CFAP300: variants seen among roughly 807,000 people sequenced by gnomAD.
CFAP300 encodes cilia and flagella associated protein 300.
In CFAP300, 32 loss-of-function variants were observed where a neutral mutation model predicts 33.0. The observed-to-expected ratio is 0.97, with a 90% confidence interval of 0.73 to 1.30. The LOEUF is 1.30. Ranked by LOEUF, CFAP300 falls within the 50% of genes most tolerant of loss-of-function variation. The probability of loss-of-function intolerance (pLI) is 0.00; values close to 1 mark genes in which losing one functional copy is unlikely to be tolerated. For synonymous variants in CFAP300, 102 were observed against 106.8 expected, an observed-to-expected ratio of 0.95 and a Z score of 0.28; for missense variants, 356 against 318.1, an observed-to-expected ratio of 1.12 and a Z score of -0.90.
At chr11:102,081,362 A>G in intron 6 of CFAP300, 81 bp downstream of exon 6, 1 of 1,140,036 alleles carries the variant, frequency 8.8e-7, no homozygotes, top group Non-Finnish European at 1.3e-6. Context: ...GTTAACAATC[A>G]GGACAATGTT....
At position 102,081,287 on chromosome 11, in the gene CFAP300, T is replaced by A; in HGVS notation, c.675+6T>A. The A allele has an allele frequency of 6.2e-7, 1 of 1,610,448 alleles. No homozygotes were observed. Among genetic ancestry groups the A allele is most frequent in the Non-Finnish European group, 8.5e-7 (1 of 1,178,060 alleles). On this transcript the variant is annotated splice_donor_region_variant and intron_variant, in intron 6 of 6. Transcript: ENST00000434758. ...TCTTTAAAGTTTCAGCTTATGTAAG[T>A]GTGAGAGAACTTTTGCAACCAAAGA...
At chr11:102,072,817 C>T (rs7127954) in intron 4 of CFAP300, among the ~76,000 whole-genome samples, 83,315 of 151,878 alleles carry the variant, frequency 0.55, 23,977 homozygotes, top group East Asian at 0.75. Flanking sequence ...GATGTACTTA[C>T]GGTGTTCGTT....
chr11:102,067,484 A>C (rs1942246792), intron 4 of CFAP300, among the ~76,000 whole-genome samples: 1 of 152,228 alleles, frequency 6.6e-6, no homozygotes, highest in South Asian at 2.1e-4. Context: ...AAGTACACTG[A>C]ACTTGGAATT....
chr11:102,081,101 G>A, intron 5 of CFAP300, 114 bp from the exon 6 acceptor site: 1 of 726,438 alleles, frequency 1.4e-6, no homozygotes, highest in Non-Finnish European at 2.1e-6. Flanking sequence ...TGGATAGTAT[G>A]TATTTCCATG....
intron 3 of CFAP300, among the ~76,000 whole-genome samples, chr11:102,064,427 G>C (rs1178903488): frequency 6.6e-6 from 1 of 152,036 alleles, no homozygotes; most frequent in Non-Finnish European, 1.5e-5. Flanking sequence ...TCCCTCAGAG[G>C]ATCTTACCTC....
intron 5 of CFAP300, among the ~76,000 whole-genome samples, chr11:102,077,085 T>TACAC (rs149311507): frequency 0.016 from 2,345 of 150,508 alleles, 92 homozygotes; most frequent in Admixed American, 0.077. Context: ...ACCCTACACA[T>TACAC]ACACACACAC....
Position 102,068,711 on chromosome 11 carries a change from C to T in CFAP300, c.435+2060C>T, listed in dbSNP as rs140628028. On this transcript the variant is annotated intron_variant, in intron 4 of 6. Coordinates refer to ENST00000434758, the MANE Select transcript of CFAP300 (RefSeq NM_032930.3). ...CTGAGGCACAAGAATTCCTTGAACC[C>T]GGGAGGCAGAGATTGCGGTGAGCTG... 6.3e-4 allele frequency among the ~76,000 whole-genome samples: 96 copies of T among 152,156 alleles called. 1 individual carries two copies. The highest frequency in any genetic ancestry group is 3.4e-3 in the Middle Eastern group (1 of 294).
rs567363057 is a variant in CFAP300, at chr11:102,057,066, G to A, written c.193-1814G>A. Among the ~76,000 whole-genome samples, 7 of 151,948 alleles carry A rather than the reference G, an allele frequency of 4.6e-5. No individual in the cohort carries two copies. The East Asian group carries it at 5.8e-4, about 13-fold the overall frequency. ...AATAAAAAAGAGCTAGCCTGGGTGCGGTGACTCACGCCTGTAATCCCAGCA... is the reference window on the plus strand; with the variant it reads ...AATAAAAAAGAGCTAGCCTGGGTGCAGTGACTCACGCCTGTAATCCCAGCA... On this transcript the variant is annotated intron_variant, in intron 2 of 6. Coordinates refer to ENST00000434758, the MANE Select transcript of CFAP300 (RefSeq NM_032930.3).
chr11:102,055,636 C>A (rs573932923), intron 2 of CFAP300, among the ~76,000 whole-genome samples: 84 of 151,144 alleles, frequency 5.6e-4, no homozygotes, highest in African/African-American at 1.9e-3. Context: ...GCGTGAGGCA[C>A]CACACCTGGC....
chr11:102,077,638 G>A (rs536731891), intron 5 of CFAP300, among the ~76,000 whole-genome samples: 99 of 152,240 alleles, frequency 6.5e-4, no homozygotes, highest in Non-Finnish European at 1.1e-3. Flanking sequence ...GCAGTGGCGC[G>A]ATCTCAGCTC....
chr11:102,066,526 A>T lies in CFAP300; in HGVS notation c.310A>T (p.Thr104Ser). The stretch of plus-strand genomic sequence containing the variant: ...AATTGAAGCTATAAATGTTCCTTGC[A>T]CACAGCTTTCAATGTCATTTTTTCA... ...KKIEAINVPC[T>S]QLSMSFFHRL... Residue 104 changes from threonine to serine, a missense_variant, in exon 4 of 7, where the codon ACA becomes TCA. Physicochemically the swap from Thr to Ser is moderately conservative, Grantham distance 58. Coordinates refer to ENST00000434758, the MANE Select transcript of CFAP300 (RefSeq NM_032930.3). 6.2e-7 allele frequency: 1 copy of T among 1,611,244 alleles called. No individual in the cohort carries two copies. Among genetic ancestry groups the T allele is most frequent in the Non-Finnish European group, 8.5e-7 (1 of 1,179,178 alleles).
intron 3 of CFAP300, among the ~76,000 whole-genome samples, chr11:102,065,059 C>T (rs765207944): frequency 2.6e-5 from 4 of 152,110 alleles, no homozygotes; most frequent in African/African-American, 4.8e-5. Context: ...ACTTAGAAAC[C>T]GTCTTTTATA....
At chr11:102,057,507 T>C (rs900944024) in intron 2 of CFAP300, among the ~76,000 whole-genome samples, 1 of 152,106 alleles carries the variant, frequency 6.6e-6, no homozygotes, top group African/African-American at 2.4e-5. Flanking sequence ...GTTGCAAATA[T>C]TTTCTCTCAG....
At chr11:102,070,811 T>C (rs1175900225) in intron 4 of CFAP300, among the ~76,000 whole-genome samples, 1 of 100,938 alleles carries the variant, frequency 9.9e-6, no homozygotes, top group Non-Finnish European at 1.8e-5. Flanking sequence ...TCACTGGTCA[T>C]TCAGGAATAC....
rs1374712469 is a variant in CFAP300 at position 102,076,045 on chromosome 11, G to A, written c.608G>A (p.Ser203Asn). Residue 203 changes from serine to asparagine, a missense_variant and splice_region_variant, in exon 5 of 7, where the codon AGT becomes AAT. Transcript: ENST00000434758. ...TTKLIYKDLV[S>N]VRKNPQTKKI... ...AAGCTTATCTATAAGGATCTGGTGA[G>A]GTAATGTTGCTAGATCACAATATGT... 9 of 1,600,424 alleles carry A rather than the reference G, an allele frequency of 5.6e-6. No homozygotes were observed. In the African/African-American group the frequency reaches 8.1e-5, roughly 14 times the overall value.
chr11:102,061,571 A>T (rs1942149816), intron 3 of CFAP300, among the ~76,000 whole-genome samples: 1 of 152,220 alleles, frequency 6.6e-6, no homozygotes, highest in South Asian at 2.1e-4. Context: ...GTGCTCAGCT[A>T]AGGGCATCAT....
At chr11:102,048,377 T>C (rs1179458610) in intron 2 of CFAP300, among the ~76,000 whole-genome samples, 1 of 149,386 alleles carries the variant, frequency 6.7e-6, no homozygotes, top group East Asian at 2.0e-4. Flanking sequence ...GGCCACCACG[T>C]CCAGCTAATT....
intron 3 of CFAP300, among the ~76,000 whole-genome samples, chr11:102,061,743 C>G (rs1219362275): frequency 6.6e-6 from 1 of 152,228 alleles, no homozygotes; most frequent in Admixed American, 6.5e-5. Context: ...CCACTTCACT[C>G]TCCTGCCTCT....
At chr11:102,047,713 G>T (rs1312866979) in intron 1 of CFAP300, 102 bp from the exon 2 acceptor site, 12 of 1,487,182 alleles carry the variant, frequency 8.1e-6, no homozygotes, top group South Asian at 2.5e-5. Context: ...AGTGAACCCC[G>T]AACCACCCGG....
Sources: gnomAD v4.1 joint callset for allele counts (sites outside exome capture counted in the v4.1 genomes callset) on GRCh38, gnomAD v4.1.1 for gene constraint, MANE v1.5 for transcripts, NCBI Gene and HGNC (gene_info 2026-07-23, HGNC 2026-07-21) for gene names.